ACOX3: variants seen among roughly 807,000 people sequenced by gnomAD.
ACOX3 encodes acyl-CoA oxidase 3, pristanoyl.
In ACOX3, 73 loss-of-function variants were observed where a neutral mutation model predicts 81.5. The ratio of observed to expected loss-of-function variants is 0.90; its 90% CI spans 0.74 to 1.09. The LOEUF (loss-of-function observed/expected upper bound fraction) is 1.09. Among genes scored for constraint, ACOX3 ranks in the 50% least tolerant of loss-of-function variants. The pLI is 0.00. For missense variants in ACOX3, 947 were observed against 928.0 expected (o/e 1.02, Z -0.27); for synonymous variants, 387 against 375.1 (o/e 1.03, Z -0.37).
intron 15 of ACOX3, 194 bp from the exon 16 acceptor site, chr4:8,373,822 C>T (rs918337301): frequency 4.9e-6 from 3 of 608,164 alleles, no homozygotes; most frequent in Non-Finnish European, 8.8e-6. Context: ...TTCTGAGACC[C>T]TTTTCCCACT....
chr4:8,398,992 T>G (rs946732691), intron 8 of ACOX3, among the ~76,000 whole-genome samples: 14 of 152,208 alleles, frequency 9.2e-5, no homozygotes, highest in Non-Finnish European at 1.8e-4. Flanking sequence ...ATCCCCATCA[T>G]GCTCCTTTTC....
At chr4:8,377,881 G>C (rs1252090410) in intron 14 of ACOX3, among the ~76,000 whole-genome samples, 3 of 152,176 alleles carry the variant, frequency 2.0e-5, no homozygotes, top group Middle Eastern at 3.2e-3. Flanking sequence ...GTTAGGGCTG[G>C]CGCACTCCAG....
rs2108879014 is a variant in ACOX3, at chr4:8,394,434, G to A, written c.1179+186C>T. Reference sequence around the variant, plus strand: ...CACATCCTTGAGAGGCAGGGGTGTGGACGCGTGCCCAGCCCGTTCAATCGC... The same window carrying A: ...CACATCCTTGAGAGGCAGGGGTGTGAACGCGTGCCCAGCCCGTTCAATCGC... On this transcript the variant is annotated intron_variant, in intron 10 of 17. Coordinates refer to ENST00000356406, the MANE Select transcript of ACOX3 (RefSeq NM_003501.3). The surrounding 1 kb of genome is among the most constrained non-coding windows in gnomAD (Gnocchi z 5.9). Among the ~76,000 whole-genome samples the A allele has an allele frequency of 6.6e-6, 1 of 152,378 alleles. No homozygotes were observed. The highest frequency in any genetic ancestry group is 1.5e-5 in the Non-Finnish European group (1 of 68,038).
chr4:8,433,665 G>C (rs560310040), intron 1 of ACOX3, among the ~76,000 whole-genome samples: 25 of 152,272 alleles, frequency 1.6e-4, no homozygotes, highest in African/African-American at 6.0e-4. Context: ...TTTGGTCTGT[G>C]CTTTTATCTC....
intron 16 of ACOX3, 126 bp downstream of exon 16, chr4:8,373,435 G>C (rs1446111991): frequency 1.1e-6 from 1 of 948,040 alleles, no homozygotes; most frequent in African/African-American, 1.7e-5. Flanking sequence ...ACGCTAAGGG[G>C]GTGCGTGTCA....
chr4:8,391,031 G>A (rs150744759), intron 11 of ACOX3, among the ~76,000 whole-genome samples: 45 of 148,224 alleles, frequency 3.0e-4, no homozygotes, highest in African/African-American at 6.5e-4. Context: ...GTATATGTAT[G>A]TGTATATGTA....
intron 7 of ACOX3, among the ~76,000 whole-genome samples, chr4:8,401,343 A>C (rs890132378): frequency 6.6e-6 from 1 of 152,144 alleles, no homozygotes; most frequent in Admixed American, 6.5e-5. Flanking sequence ...ATAATCTCAC[A>C]TGCTGGAAGG....
rs559661001 is a variant in ACOX3 at position 8,394,592 on chromosome 4, G to A, written c.1179+28C>T. On this transcript the variant is annotated intron_variant, in intron 10 of 17. Coordinates refer to ENST00000356406, the MANE Select transcript of ACOX3 (RefSeq NM_003501.3). The surrounding 1 kb of genome is among the most constrained non-coding windows in gnomAD (Gnocchi z 5.9). ...TCCAACCGTGTGAGATTTAAACGAT[G>A]CTGCTGAGGAAGCAGACACCACCTC... 2 of 1,610,090 alleles carry A rather than the reference G, an allele frequency of 1.2e-6. No individual in the cohort carries two copies. Among genetic ancestry groups the A allele is most frequent in the South Asian group, 1.1e-5 (1 of 90,902 alleles).
chr4:8,410,293 C>T lies in ACOX3; in HGVS notation c.606G>A (p.Lys202=). The T allele has an allele frequency of 5.0e-6, 8 of 1,614,160 alleles. No homozygotes were observed. The highest frequency in any genetic ancestry group is 6.8e-6 in the Non-Finnish European group (8 of 1,180,008). Residue 202 remains lysine (K), a synonymous_variant, in exon 6 of 18, where the codon AAG becomes AAA. Coordinates refer to ENST00000356406, the MANE Select transcript of ACOX3 (RefSeq NM_003501.3). ...CAAACACCACCGCGTGAGTGGCTGT[C>T]TTGCCCATGTTGCCAACCCAAAACT... ...AAKFWVGNMG[K]TATHAVVFAK...
chr4:8,355,430 C>A, the ACOX3 span: 2 of 152,236 alleles, frequency 1.3e-5, no homozygotes, highest in Admixed American at 1.3e-4. Context: ...AGTGCAGACA[C>A]AGGTCCAGCG....
chr4:8,418,512 C>A (rs957191134), intron 1 of ACOX3, among the ~76,000 whole-genome samples: 6 of 147,268 alleles, frequency 4.1e-5, no homozygotes, highest in East Asian at 2.0e-4. Context: ...TGACAAAAAA[C>A]CAATTAAAAA....
In ACOX3 at chr4:8,399,472, G is replaced by T; in HGVS notation, c.873+84C>A. The T allele has an allele frequency of 8.3e-7, 1 of 1,208,646 alleles. No homozygotes were observed. The highest frequency in any genetic ancestry group is 1.3e-5 in the South Asian group (1 of 76,292). The allele number at this position is 1,208,646 out of a possible 1,614,324, so 74.9% of individuals were successfully genotyped here. ...CCTACGTGGAGGGGTCTCCTTTCCA[G>T]GTGCAGGGAGGAGCACAGAGCCAGG... On this transcript the variant is annotated intron_variant, in intron 8 of 17. Coordinates refer to ENST00000356406, the MANE Select transcript of ACOX3 (RefSeq NM_003501.3). This position sits in a 1 kb window ranked among gnomAD's most constrained non-coding sequence, Gnocchi z 4.9.
At chr4:8,408,627 AC>A (rs1302391183) in intron 6 of ACOX3, among the ~76,000 whole-genome samples, 3 of 152,182 alleles carry the variant, frequency 2.0e-5, no homozygotes, top group African/African-American at 7.2e-5. Context: ...GAAACAAGGC[AC>A]ACTGGCCTCA....
intron 1 of ACOX3, among the ~76,000 whole-genome samples, chr4:8,421,264 G>C (rs1311049429): frequency 6.6e-6 from 1 of 152,214 alleles, no homozygotes; most frequent in African/African-American, 2.4e-5. Context: ...TGATTAATGT[G>C]GCCACCGGAC....
chr4:8,360,604 TG>T, the ACOX3 span, among the ~76,000 whole-genome samples: 2 of 151,768 alleles, frequency 1.3e-5, no homozygotes, highest in Non-Finnish European at 2.9e-5. Context: ...CCCGAGTAGG[TG>T]GGACTACAGG....
At chr4:8,438,256 T>C (rs562161130) in intron 1 of ACOX3, among the ~76,000 whole-genome samples, 37 of 152,268 alleles carry the variant, frequency 2.4e-4, no homozygotes, top group African/African-American at 8.7e-4. Flanking sequence ...AGTCAGACAA[T>C]AGGCCAGCAT....
the ACOX3 span, among the ~76,000 whole-genome samples, chr4:8,359,941 GCT>G: frequency 6.6e-6 from 1 of 152,206 alleles, no homozygotes; most frequent in Non-Finnish European, 1.5e-5. The surrounding 1 kb of genome is among the most constrained non-coding windows in gnomAD (Gnocchi z 6.0). Flanking sequence ...TTTCTGTATT[GCT>G]CTGTCATAAA....
rs1025775330 is a variant in ACOX3, at chr4:8,386,879, G to A, written c.1537+2294C>T. Among the ~76,000 whole-genome samples the A allele has an allele frequency of 2.0e-5, 3 of 152,350 alleles. No individual in the cohort carries two copies. Among genetic ancestry groups the A allele is most frequent in the African/African-American group, 2.4e-5 (1 of 41,586 alleles). ...GGAAGTAGCCTGTAGGGCTGGAGAC[G>A]GACAAGGACACACGCTCGGGGGCTG... is the stretch of plus-strand genomic sequence containing the variant. On this transcript the variant is annotated intron_variant, in intron 13 of 17. Coordinates refer to ENST00000356406, the MANE Select transcript of ACOX3 (RefSeq NM_003501.3). This position sits in a 1 kb window ranked among gnomAD's most constrained non-coding sequence, Gnocchi z 5.2.
intron 1 of ACOX3, among the ~76,000 whole-genome samples, chr4:8,427,495 G>A (rs892476520): frequency 2.6e-5 from 4 of 152,300 alleles, no homozygotes; most frequent in African/African-American, 9.6e-5. Context: ...CTGATCCAGC[G>A]AGGCACCGGT....
Sources: allele counts gnomAD v4.1 joint callset (sites outside exome capture counted in the v4.1 genomes callset), GRCh38; gene constraint gnomAD v4.1.1; non-coding constraint Gnocchi (gnomAD v3.1); transcripts MANE v1.5; gene names NCBI Gene and HGNC (gene_info 2026-07-23, HGNC 2026-07-21).